Variants in ELOC observed in about 807,000 individuals in gnomAD.
ELOC encodes the protein elongin C, also known as elongin-C.
For synonymous variants in ELOC, 40 were observed against 51.3 expected (o/e 0.78, Z 0.94); for missense variants, 38 against 139.0 (o/e 0.27, Z 3.65).
At chr8:73,966,647 T>C (rs1176072133) in intron 1 of ELOC, among the ~76,000 whole-genome samples, 1 of 151,810 alleles carries the variant, frequency 6.6e-6, no homozygotes, top group Non-Finnish European at 1.5e-5. Flanking sequence ...ATTTCTTTTT[T>C]TTTTTTTTTT....
intron 1 of ELOC, among the ~76,000 whole-genome samples, chr8:73,960,849 C>T (rs1263096521): frequency 6.6e-6 from 1 of 152,116 alleles, no homozygotes. Flanking sequence ...CAGTGGCTCA[C>T]ACCTGTAATC....
At chr8:73,952,509 G>A (rs1225376945) in intron 3 of ELOC, among the ~76,000 whole-genome samples, 7 of 150,450 alleles carry the variant, frequency 4.7e-5, no homozygotes, top group African/African-American at 1.2e-4. Context: ...GGCCAGGTGC[G>A]GTGGCTCATG....
At chr8:73,958,425 G>C (rs988581438) in intron 2 of ELOC, among the ~76,000 whole-genome samples, 2 of 152,058 alleles carry the variant, frequency 1.3e-5, no homozygotes, top group East Asian at 3.9e-4. Context: ...ATGGAGTTTT[G>C]CCAACTCTAC....
intron 3 of ELOC, among the ~76,000 whole-genome samples, chr8:73,950,103 G>T (rs1418107478): frequency 1.3e-5 from 2 of 150,404 alleles, no homozygotes; most frequent in Non-Finnish European, 2.9e-5. Context: ...GATTTTTGGA[G>T]AAACAGCTGT....
At chr8:73,969,013 C>G (rs1815181379) in intron 1 of ELOC, among the ~76,000 whole-genome samples, 1 of 152,200 alleles carries the variant, frequency 6.6e-6, no homozygotes, top group Non-Finnish European at 1.5e-5. Flanking sequence ...CTGCCTTCTT[C>G]TCCATTTAAC....
rs67188912 is a variant in ELOC, at chr8:73,971,032, CAAAAAAAAAA to C, written c.-51+1035_-51+1044del. Among the ~76,000 whole-genome samples the C allele has an allele frequency of 1.1e-4, 7 of 62,038 alleles. No individual in the cohort carries two copies. The Admixed American group carries it at 1.5e-3, about 13-fold the overall frequency. 40.7% of individuals were successfully genotyped at this position (62,038 alleles called of 152,430 possible). A position where few individuals can be genotyped will look rare whatever the true frequency, so the allele number is the denominator to read the frequency against. ...CTCAGGACAGAGCGAGACTCCGTCT[CAAAAAAAAAA>C]AAAAAAAAAGAAAAAGAAAAAAAGC... On this transcript the variant is annotated intron_variant, in intron 1 of 3. Transcript: ENST00000520242.
intron 3 of ELOC, among the ~76,000 whole-genome samples, chr8:73,951,500 A>G (rs1813755934): frequency 6.6e-6 from 1 of 151,776 alleles, no homozygotes; most frequent in African/African-American, 2.4e-5. Flanking sequence ...AGAAAATACA[A>G]TTTAAAAAAA....
intron 3 of ELOC, among the ~76,000 whole-genome samples, chr8:73,954,799 A>C (rs2131103965): frequency 6.6e-6 from 1 of 152,154 alleles, no homozygotes; most frequent in Non-Finnish European, 1.5e-5. Flanking sequence ...TGGGAGGCTG[A>C]GGCGGGTGCA....
intron 1 of ELOC, among the ~76,000 whole-genome samples, chr8:73,966,259 A>T (rs941170712): frequency 6.6e-6 from 1 of 152,210 alleles, no homozygotes; most frequent in Non-Finnish European, 1.5e-5. Context: ...TGAAGAACTA[A>T]CATTAACAGA....
intron 3 of ELOC, among the ~76,000 whole-genome samples, chr8:73,950,261 G>T (rs1813661442): frequency 6.6e-6 from 1 of 152,032 alleles, no homozygotes; most frequent in African/African-American, 2.4e-5. Context: ...TGAAGCAAAT[G>T]GAACAATCTG....
chr8:73,951,660 AC>A (rs1160223757), intron 3 of ELOC, among the ~76,000 whole-genome samples: 1 of 151,648 alleles, frequency 6.6e-6, no homozygotes, highest in Non-Finnish European at 1.5e-5. Flanking sequence ...AACAACAACA[AC>A]AACAACAACA....
intron 3 of ELOC, among the ~76,000 whole-genome samples, chr8:73,947,541 T>C (rs1813459795): frequency 6.6e-6 from 1 of 152,120 alleles, no homozygotes. Flanking sequence ...ACCAAATGAA[T>C]TATGGAATTC....
chr8:73,960,420 G>GTAAC (rs1554595663), intron 1 of ELOC, among the ~76,000 whole-genome samples: 1 of 152,132 alleles, frequency 6.6e-6, no homozygotes, highest in Non-Finnish European at 1.5e-5. Flanking sequence ...TGTTAACCAG[G>GTAAC]TAACTCATAA....
intron 3 of ELOC, among the ~76,000 whole-genome samples, chr8:73,950,949 A>C (rs1813713272): frequency 6.6e-6 from 1 of 152,178 alleles, no homozygotes. Flanking sequence ...AATACTCCAA[A>C]AAAGTAGGGA....
At chr8:73,957,228 A>G (rs1388369439) in intron 2 of ELOC, among the ~76,000 whole-genome samples, 1 of 152,074 alleles carries the variant, frequency 6.6e-6, no homozygotes, top group African/African-American at 2.4e-5. Context: ...GCATGCATTA[A>G]AAGTAATTAA....
chr8:73,970,399 G>T (rs1360916870), intron 1 of ELOC, among the ~76,000 whole-genome samples: 4 of 152,080 alleles, frequency 2.6e-5, no homozygotes. Flanking sequence ...ATAACTTCTG[G>T]CTGTAAACTA....
rs1813360738 is a variant in ELOC, at chr8:73,946,050, TTAAA to T, written c.*576_*579del. ...ACCTAGTAACCTTCCAAAATTGTTTTTAAATAAAGTTCTTAAATTGTAGCAATAA... is the reference window on the plus strand; with the variant it reads ...ACCTAGTAACCTTCCAAAATTGTTTTTAAAGTTCTTAAATTGTAGCAATAA... On this transcript the variant is annotated 3_prime_UTR_variant, in exon 4 of 4. Coordinates refer to ENST00000520242, the MANE Select transcript of ELOC (RefSeq NM_005648.4). The T allele has an allele frequency of 6.6e-6, 1 of 152,198 alleles. No homozygotes were observed. The highest frequency in any genetic ancestry group is 1.5e-5 in the Non-Finnish European group (1 of 68,044). The allele number at this position is 152,198 out of a possible 1,614,324, so 9.4% of individuals were successfully genotyped here.
In ELOC at chr8:73,948,127, G is replaced by A. The variant is rs530095633; in HGVS notation, c.149-1307C>T. ...GAATTTCTTGAACCCAGGAGGCAGAGGTTGCAGTGAGCCAAGATTGTGCCA... is the reference window on the plus strand; with the variant it reads ...GAATTTCTTGAACCCAGGAGGCAGAAGTTGCAGTGAGCCAAGATTGTGCCA... On this transcript the variant is annotated intron_variant, in intron 3 of 3. Coordinates refer to ENST00000520242, the MANE Select transcript of ELOC (RefSeq NM_005648.4). Among the ~76,000 whole-genome samples, 392 of 152,062 alleles carry A rather than the reference G, an allele frequency of 2.6e-3. 2 individuals carry two copies. Among genetic ancestry groups the A allele is most frequent in the Non-Finnish European group, 3.9e-3 (264 of 67,998 alleles).
At chr8:73,970,158 T>C (rs913917292) in intron 1 of ELOC, among the ~76,000 whole-genome samples, 6 of 152,028 alleles carry the variant, frequency 3.9e-5, no homozygotes, top group Non-Finnish European at 7.4e-5. Context: ...AGGTGGATGG[T>C]TTGAGCCCAG....
Sources: allele counts gnomAD v4.1 joint callset (sites outside exome capture counted in the v4.1 genomes callset), GRCh38; gene constraint gnomAD v4.1.1; transcripts MANE v1.5; gene names NCBI Gene and HGNC (gene_info 2026-07-23, HGNC 2026-07-21).